HEATR1: variants seen among roughly 807,000 people sequenced by gnomAD.
HEATR1 encodes the protein HEAT repeat-containing protein 1.
A neutral mutation model predicts 248.2 loss-of-function variants in HEATR1; 77 were observed. The observed-to-expected ratio is 0.31, with a 90% CI of 0.26 to 0.37. The LOEUF (loss-of-function observed/expected upper bound fraction) is 0.37, where lower values mean the gene tolerates loss of function less well. HEATR1 is among the 10% of genes least tolerant of loss of function. The pLI is 1.00. For missense variants in HEATR1, 2,420 were observed against 2,504.9 expected, an observed-to-expected ratio of 0.97 and a Z score of 0.72; for synonymous variants, 897 against 923.1, an observed-to-expected ratio of 0.97 and a Z score of 0.51.
In HEATR1 at chr1:236,585,108, C is replaced by T. The variant is rs145377606; in HGVS notation, c.2158G>A (p.Glu720Lys). The stretch of plus-strand genomic sequence containing the variant: ...CTTATCGCAAATGGAAAGTGGGTTT[C>T]TTTTAAAGATGAACAACAAGAGACG... ...VLVSCCSSLK[E>K]THFPFAIRVF... The change falls in exon 17 of 45, where the codon GAA becomes AAA. Residue 720 changes from glutamate to lysine, a missense_variant. Physicochemically the swap from Glu to Lys is moderately conservative, Grantham distance 56. Coordinates refer to ENST00000366582, the MANE Select transcript of HEATR1 (RefSeq NM_018072.6). The T allele has an allele frequency of 6.2e-7, 1 of 1,613,996 alleles. No individual in the cohort carries two copies. The highest frequency in any genetic ancestry group is 1.7e-4 in the Middle Eastern group (1 of 6,060).
In HEATR1 at chr1:236,574,766, A is replaced by G. The variant is rs1322088328; in HGVS notation, c.3222T>C (p.Leu1074=). 16 of 1,614,006 alleles carry G rather than the reference A, an allele frequency of 9.9e-6. No individual in the cohort carries two copies. The highest frequency in any genetic ancestry group is 1.3e-5 in the Non-Finnish European group (15 of 1,179,874). Residue 1074 remains leucine, a synonymous_variant, in exon 23 of 45, where the codon CTT becomes CTC. Coordinates refer to ENST00000366582, the MANE Select transcript of HEATR1 (RefSeq NM_018072.6). ...LGKYNEFSVS[L]LNEDPKSLDI... ...CTAGACTCTTCGGATCCTCATTTAAAAGGGAAACTGAAAATTCATTATACT... is the reference window on the plus strand; with the variant it reads ...CTAGACTCTTCGGATCCTCATTTAAGAGGGAAACTGAAAATTCATTATACT...
In HEATR1 at chr1:236,592,002, T is replaced by G; in HGVS notation, c.1413A>C (p.Gly471=). 6.3e-7 allele frequency: 1 copy of G among 1,581,998 alleles called. No individual in the cohort carries two copies. Among genetic ancestry groups the G allele is most frequent in the Non-Finnish European group, 8.7e-7 (1 of 1,152,666 alleles). The change falls in exon 11 of 45, where the codon GGA becomes GGC. Residue 471 remains glycine (G), a synonymous_variant. Coordinates refer to ENST00000366582, the MANE Select transcript of HEATR1 (RefSeq NM_018072.6). Reference sequence around the variant, plus strand: ...TTGGAGAACAACATACCTGATACTTTCCTCCACTTGTAGAAAGAGAAACAA... The same window carrying G: ...TTGGAGAACAACATACCTGATACTTGCCTCCACTTGTAGAAAGAGAAACAA... ...HQFVSLSTSG[G]KYQFLADSDT... is the part of the protein sequence containing the mutation.
chr1:236,568,529 A>G (rs1403306507), intron 29 of HEATR1, among the ~76,000 whole-genome samples: 1 of 152,106 alleles, frequency 6.6e-6, no homozygotes, highest in Non-Finnish European at 1.5e-5. Flanking sequence ...AGAACATCTC[A>G]CCTCTCTCTC....
At chr1:236,596,129 T>G in intron 6 of HEATR1, 85 bp from the exon 7 acceptor site, 1 of 1,006,362 alleles carries the variant, frequency 9.9e-7, no homozygotes, top group Non-Finnish European at 1.5e-6. Flanking sequence ...ATTAGAAATG[T>G]CATAGAGATT....
At chr1:236,595,810 T>C (rs369096367) in intron 7 of HEATR1, 23 bp downstream of exon 7, 1 of 1,590,672 alleles carries the variant, frequency 6.3e-7, no homozygotes, top group Non-Finnish European at 8.6e-7. Context: ...ACTAGCACCA[T>C]TTCTCAATTC....
intron 17 of HEATR1, 107 bp downstream of exon 17, chr1:236,584,918 T>C: frequency 3.3e-6 from 3 of 903,928 alleles, no homozygotes; most frequent in Non-Finnish European, 3.3e-6. Context: ...CCAGCTACTA[T>C]CCACAGACTC....
Position 236,569,000 on chromosome 1 carries a change from A to G in HEATR1, c.4073T>C (p.Ile1358Thr), listed in dbSNP as rs371203298. The change falls in exon 29 of 45, where the codon ATT becomes ACT. Residue 1358 changes from isoleucine (I) to threonine (T), a missense_variant. Coordinates refer to ENST00000366582, the MANE Select transcript of HEATR1 (RefSeq NM_018072.6). ...KTVKMVIPALIQSDSGDSIEV... is the reference protein window; with the variant it reads ...KTVKMVIPALTQSDSGDSIEV... ...GATGGTATAAAGAGACCTTACCTGA[A>G]TAAGTGCGGGAATAACCATTTTCAC... 5.9e-5 allele frequency: 93 copies of G among 1,580,664 alleles called. No individual in the cohort carries two copies. Among genetic ancestry groups the G allele is most frequent in the Admixed American group, 1.3e-4 (7 of 52,558 alleles).
intron 12 of HEATR1, among the ~76,000 whole-genome samples, chr1:236,590,584 T>C (rs193149922): frequency 5.7e-4 from 87 of 152,298 alleles, no homozygotes; most frequent in African/African-American, 1.7e-3. Context: ...CTACGTGAAT[T>C]AATCTACAAA....
At position 236,559,796 on chromosome 1, in the gene HEATR1, T is replaced by C. The variant is rs1477565601; in HGVS notation, c.4688A>G (p.Gln1563Arg). 1 of 1,613,996 alleles carries C rather than the reference T, an allele frequency of 6.2e-7. No individual in the cohort carries two copies. The highest frequency in any genetic ancestry group is 8.5e-7 in the Non-Finnish European group (1 of 1,179,896). Residue 1563 changes from glutamine to arginine, a missense_variant, in exon 34 of 45, where the codon CAG becomes CGG. Physicochemically the swap from Gln to Arg is conservative, Grantham distance 43 (BLOSUM62 1). Coordinates refer to ENST00000366582, the MANE Select transcript of HEATR1 (RefSeq NM_018072.6). ...TVLGYISAVA[Q>R]SMERNADKLT... Reference sequence around the variant, plus strand: ...TTTGTCTGCGTTCCTTTCCATGGACTGTGCAACTGCACTGATATAGCCGAG... The same window carrying C: ...TTTGTCTGCGTTCCTTTCCATGGACCGTGCAACTGCACTGATATAGCCGAG...
At chr1:236,597,531 G>A (rs1558193052) in intron 5 of HEATR1, among the ~76,000 whole-genome samples, 2 of 152,080 alleles carry the variant, frequency 1.3e-5, no homozygotes, top group Admixed American at 6.5e-5. Context: ...GGGATTACAG[G>A]CGTGAGCCAC....
chr1:236,574,013 A>C (rs924393476), intron 24 of HEATR1, 189 bp downstream of exon 24: 1 of 428,192 alleles, frequency 2.3e-6, no homozygotes. Context: ...TACTTCATAA[A>C]ATAAAATAAT....
Position 236,603,390 on chromosome 1 carries a change from A to G in HEATR1, c.143-14T>C. 3.7e-6 allele frequency: 6 copies of G among 1,606,914 alleles called. No homozygotes were observed. Among genetic ancestry groups the G allele is most frequent in the Non-Finnish European group, 5.1e-6 (6 of 1,175,064 alleles). ...GGCCAGTACATCCTAAATTTCAAAAAAGGCCAGTTTATTTAACAATTCTTC... is the reference window on the plus strand; with the variant it reads ...GGCCAGTACATCCTAAATTTCAAAAGAGGCCAGTTTATTTAACAATTCTTC... On this transcript the variant is annotated splice_polypyrimidine_tract_variant and intron_variant, in intron 2 of 44. Transcript: ENST00000366582.
chr1:236,569,075 T>A lies in HEATR1; in HGVS notation c.3998A>T (p.Asn1333Ile), dbSNP rs150496012. ...GTAAGTATCATCTAGGCGCATGACATTGGCTCCCATAAATGTAAAAATAGA... is the reference window on the plus strand; with the variant it reads ...GTAAGTATCATCTAGGCGCATGACAATGGCTCCCATAAATGTAAAAATAGA... ...IMSIFTFMGA[N>I]VMRLDDTYSF... The change falls in exon 29 of 45, where the codon AAT becomes ATT. Residue 1333 changes from asparagine to isoleucine, a missense_variant. Asn to Ile is a moderately radical substitution (Grantham distance 149). Transcript: ENST00000366582. 1.0e-5 allele frequency: 16 copies of A among 1,606,302 alleles called. No individual in the cohort carries two copies. The highest frequency in any genetic ancestry group is 1.4e-5 in the Non-Finnish European group (16 of 1,176,356).
intron 2 of HEATR1, 55 bp from the exon 3 acceptor site, chr1:236,603,431 C>G: frequency 7.1e-7 from 1 of 1,416,636 alleles, no homozygotes; most frequent in Non-Finnish European, 9.9e-7. Context: ...CAAATTCATC[C>G]CACCCCTCTT....
At position 236,561,137 on chromosome 1, in the gene HEATR1, A is replaced by G. The variant is rs146391366; in HGVS notation, c.4646+88T>C. ...AATGGTGAACCTGGTTGTAAAGAGT[A>G]TATGAATTTTCTGTACTGTTTTTCC... On this transcript the variant is annotated intron_variant, in intron 33 of 44. Coordinates refer to ENST00000366582, the MANE Select transcript of HEATR1 (RefSeq NM_018072.6). The G allele has an allele frequency of 1.6e-3, 1,478 of 935,362 alleles. 15 individuals carry two copies. The highest frequency in any genetic ancestry group is 0.013 in the South Asian group (962 of 72,634). 57.9% of individuals were successfully genotyped at this position (935,362 alleles called of 1,614,324 possible).
At chr1:236,561,665 C>T (rs1220404143) in intron 32 of HEATR1, among the ~76,000 whole-genome samples, 1 of 152,158 alleles carries the variant, frequency 6.6e-6, no homozygotes, top group African/African-American at 2.4e-5. Context: ...ACCCCAAGCC[C>T]CACAAACAAA....
intron 34 of HEATR1, 97 bp downstream of exon 34, chr1:236,559,617 G>T: frequency 7.5e-7 from 1 of 1,330,756 alleles, no homozygotes. Context: ...ATTCATAAAA[G>T]GAATTGCTAA....
intron 36 of HEATR1, among the ~76,000 whole-genome samples, chr1:236,557,990 G>C (rs753430521): frequency 2.6e-5 from 4 of 152,166 alleles, no homozygotes; most frequent in Non-Finnish European, 4.4e-5. Context: ...CCAGGCTACA[G>C]TGCAGTGGTG....
In HEATR1 at chr1:236,596,041, A is replaced by G; in HGVS notation, c.748T>C (p.Leu250=). The change falls in exon 7 of 45, where the codon TTG becomes CTG. Residue 250 remains leucine (L), a synonymous_variant. Coordinates refer to ENST00000366582, the MANE Select transcript of HEATR1 (RefSeq NM_018072.6). ...AKLFPYIQKG[L]KSSLPDYRAA... ...CTGTAATCTGGTAAAGATGATTTCA[A>G]TCCCTAAATATTTTTTAAATATAAG... 6.3e-7 allele frequency: 1 copy of G among 1,589,072 alleles called. No homozygotes were observed. Among genetic ancestry groups the G allele is most frequent in the East Asian group, 2.2e-5 (1 of 44,482 alleles).
Sources: allele counts gnomAD v4.1 joint callset (sites outside exome capture counted in the v4.1 genomes callset), GRCh38; gene constraint gnomAD v4.1.1; transcripts MANE v1.5; gene names NCBI Gene and HGNC (gene_info 2026-07-23, HGNC 2026-07-21).